The following AOAH variants were observed in gnomAD, a reference collection of about 807,000 sequenced individuals.
AOAH encodes the protein acyloxyacyl hydrolase (neutrophil).
In AOAH, 64 loss-of-function variants were observed where a neutral mutation model predicts 92.2. That is an observed-to-expected ratio of 0.69 (90% CI 0.57 to 0.86). The LOEUF (loss-of-function observed/expected upper bound fraction) is 0.86, where lower values mean the gene tolerates loss of function less well. AOAH is among the 40% of genes least tolerant of loss of function. AOAH has a pLI of 0.00. For synonymous variants in AOAH, 263 were observed against 254.5 expected, an observed-to-expected ratio of 1.03 and a Z score of -0.32; for missense variants, 656 against 694.6, an observed-to-expected ratio of 0.94 and a Z score of 0.62.
intron 12 of AOAH, among the ~76,000 whole-genome samples, 189 bp from the exon 13 acceptor site, chr7:36,576,845 G>A (rs1244186252): frequency 6.6e-6 from 1 of 152,144 alleles, no homozygotes; most frequent in Non-Finnish European, 1.5e-5. Flanking sequence ...GCAGTTCTAT[G>A]AAATTGAGTT....
At chr7:36,567,167 C>T (rs1311960552) in intron 13 of AOAH, among the ~76,000 whole-genome samples, 1 of 152,166 alleles carries the variant, frequency 6.6e-6, no homozygotes. Flanking sequence ...GTCTCTTTCT[C>T]TCCATCTGCC....
At chr7:36,514,409 G>C in intron 20 of AOAH, 1 of 1,296,024 alleles carries the variant, frequency 7.7e-7, no homozygotes, top group South Asian at 1.3e-5. Flanking sequence ...TGAAGTGCCA[G>C]AGAGGAATCC....
At chr7:36,514,679 G>T in intron 20 of AOAH, 1 of 879,432 alleles carries the variant, frequency 1.1e-6, no homozygotes, top group Non-Finnish European at 1.8e-6. Flanking sequence ...TTTCAATGCT[G>T]AGCAATGAGA....
At chr7:36,704,136 C>G (rs756408904) in intron 1 of AOAH, among the ~76,000 whole-genome samples, 1 of 151,922 alleles carries the variant, frequency 6.6e-6, no homozygotes, top group African/African-American at 2.4e-5. Context: ...GTTTGTTGGC[C>G]GCATAAATGT....
intron 2 of AOAH, among the ~76,000 whole-genome samples, chr7:36,678,843 C>A (rs1227735177): frequency 6.6e-6 from 1 of 152,146 alleles, no homozygotes; most frequent in Non-Finnish European, 1.5e-5. Flanking sequence ...AGCCAGCTAT[C>A]CCCAGTCAGC....
intron 5 of AOAH, among the ~76,000 whole-genome samples, chr7:36,632,846 G>A (rs919403649): frequency 3.9e-5 from 6 of 152,226 alleles, no homozygotes; most frequent in African/African-American, 1.2e-4. Context: ...ATTTGACCCT[G>A]GCAAGAGAGA....
chr7:36,629,532 C>T (rs199577649), intron 6 of AOAH, among the ~76,000 whole-genome samples: 24 of 152,160 alleles, frequency 1.6e-4, no homozygotes, highest in East Asian at 7.7e-4. Flanking sequence ...CTGCCCCCTA[C>T]TCCCCATGTC....
intron 16 of AOAH, among the ~76,000 whole-genome samples, chr7:36,534,467 G>C (rs1212644298): frequency 6.6e-6 from 1 of 152,200 alleles, no homozygotes; most frequent in Non-Finnish European, 1.5e-5. Flanking sequence ...TGTCCCTCCT[G>C]TCTGGTGTTT....
At chr7:36,694,617 T>C (rs1464294421) in intron 1 of AOAH, among the ~76,000 whole-genome samples, 3 of 152,238 alleles carry the variant, frequency 2.0e-5, no homozygotes, top group African/African-American at 4.8e-5. Flanking sequence ...TATACATTTT[T>C]GTCTAATGTT....
In AOAH at chr7:36,529,359, G is replaced by A. The variant is rs75824887; in HGVS notation, c.1522+1059C>T. On this transcript the variant is annotated intron_variant, in intron 19 of 20. Coordinates refer to ENST00000617537, the MANE Select transcript of AOAH (RefSeq NM_001637.4). ...TGTTTACACCAGGAATTCATTAATG[G>A]GTCTTTAACTCTGCATTTTAATGAG... Among the ~76,000 whole-genome samples the A allele has an allele frequency of 4.6e-5, 7 of 152,186 alleles. 1 individual carries two copies. In the East Asian group the frequency reaches 1.2e-3, roughly 25 times the overall value.
intron 2 of AOAH, among the ~76,000 whole-genome samples, chr7:36,678,246 C>T (rs1484506184): frequency 6.6e-6 from 1 of 152,178 alleles, no homozygotes; most frequent in Non-Finnish European, 1.5e-5. Flanking sequence ...TCAGTACCAG[C>T]CCACTGGCTT....
At chr7:36,535,229 G>A (rs1784979290) in intron 16 of AOAH, among the ~76,000 whole-genome samples, 1 of 151,988 alleles carries the variant, frequency 6.6e-6, no homozygotes, top group Non-Finnish European at 1.5e-5. Context: ...CCCAGTGTTT[G>A]CCATAAGCTC....
chr7:36,527,661 G>A (rs17170625), intron 19 of AOAH, among the ~76,000 whole-genome samples: 3,409 of 152,282 alleles, frequency 0.022, 144 homozygotes, highest in African/African-American at 0.079. Context: ...TAATCTTTAC[G>A]TGGGTTAGTT....
chr7:36,577,107 C>T (rs3847011), intron 12 of AOAH, among the ~76,000 whole-genome samples: 13,894 of 150,430 alleles, frequency 0.092, 739 homozygotes, highest in Admixed American at 0.15. Context: ...TCATGCACTA[C>T]AATAGAATTT....
intron 1 of AOAH, among the ~76,000 whole-genome samples, chr7:36,691,425 G>A (rs1023592321): frequency 1.4e-4 from 21 of 152,180 alleles, no homozygotes; most frequent in Admixed American, 1.2e-3. Context: ...GGCACACAAC[G>A]CCGGTGTGAA....
intron 6 of AOAH, among the ~76,000 whole-genome samples, chr7:36,629,100 G>A (rs1792879939): frequency 6.6e-6 from 1 of 152,192 alleles, no homozygotes; most frequent in Non-Finnish European, 1.5e-5. Flanking sequence ...AACCACAGAT[G>A]GCTTTGAAGA....
intron 1 of AOAH, among the ~76,000 whole-genome samples, chr7:36,715,666 T>C (rs1278188908): frequency 1.4e-5 from 2 of 144,250 alleles, no homozygotes; most frequent in East Asian, 2.1e-4. Context: ...TCAGAAATAA[T>C]GCCACATATC....
chr7:36,553,881 T>C (rs923070253), intron 13 of AOAH, among the ~76,000 whole-genome samples: 2 of 152,246 alleles, frequency 1.3e-5, no homozygotes, highest in Non-Finnish European at 2.9e-5. Flanking sequence ...TTCTGGATAT[T>C]AGCCCTTTGT....
chr7:36,638,163 G>C (rs1168066445), intron 4 of AOAH, among the ~76,000 whole-genome samples: 2 of 152,200 alleles, frequency 1.3e-5, no homozygotes, highest in Admixed American at 6.5e-5. Flanking sequence ...AGCCCTGTGA[G>C]ATACGACCAT....
Sources: allele counts gnomAD v4.1 joint callset (sites outside exome capture counted in the v4.1 genomes callset), GRCh38; gene constraint gnomAD v4.1.1; transcripts MANE v1.5; gene names NCBI Gene and HGNC (gene_info 2026-07-23, HGNC 2026-07-21).